SCN8A: variants seen among roughly 807,000 people sequenced by gnomAD.
SCN8A encodes the protein sodium voltage-gated channel alpha subunit 8.
A neutral mutation model predicts 184.1 loss-of-function variants in SCN8A; 30 were observed. The observed-to-expected ratio is 0.16, with a 90% CI of 0.12 to 0.22. The LOEUF is 0.22. Among genes scored for constraint, SCN8A ranks in the 10% least tolerant of loss-of-function variants. The pLI is 1.00. For missense variants in SCN8A, 1,057 were observed against 2,498.9 expected (o/e 0.42, Z 12.30); for synonymous variants, 852 against 907.0 (o/e 0.94, Z 1.09).
chr12:51,774,437 C>G, intron 20 of SCN8A, 75 bp downstream of exon 20: 1 of 1,408,120 alleles, frequency 7.1e-7, no homozygotes, highest in Non-Finnish European at 9.6e-7. Flanking sequence ...TTTCTAATGG[C>G]AGTAGCTGCC....
intron 1 of SCN8A, among the ~76,000 whole-genome samples, chr12:51,639,747 C>G (rs890460484): frequency 3.0e-4 from 46 of 151,504 alleles, no homozygotes; most frequent in Admixed American, 2.7e-3. Context: ...CCACCCTGAT[C>G]AGTCAGTCAG....
At chr12:51,795,618 T>A (rs187923667) in intron 26 of SCN8A, among the ~76,000 whole-genome samples, 1 of 152,230 alleles carries the variant, frequency 6.6e-6, no homozygotes, top group Non-Finnish European at 1.5e-5. Context: ...TGTGTTGATA[T>A]GTGGAACACT....
intron 1 of SCN8A, among the ~76,000 whole-genome samples, chr12:51,660,293 G>A (rs1940902050): frequency 6.6e-6 from 1 of 152,248 alleles, no homozygotes; most frequent in Non-Finnish European, 1.5e-5. Context: ...GGATCTGAAA[G>A]CAAAGACAGA....
At chr12:51,634,715 C>T (rs563519091) in intron 1 of SCN8A, among the ~76,000 whole-genome samples, 41 of 147,254 alleles carry the variant, frequency 2.8e-4, no homozygotes, top group African/African-American at 9.5e-4. Context: ...GTGGCGCAAT[C>T]GTAGCTCACT....
At chr12:51,717,093 C>T (rs929912953) in intron 11 of SCN8A, among the ~76,000 whole-genome samples, 4 of 152,200 alleles carry the variant, frequency 2.6e-5, no homozygotes, top group Non-Finnish European at 5.9e-5. Flanking sequence ...CTCACTCCTT[C>T]TGCTTCCTGA....
At chr12:51,661,246 A>C (rs192735377) in intron 1 of SCN8A, among the ~76,000 whole-genome samples, 11 of 152,296 alleles carry the variant, frequency 7.2e-5, no homozygotes, top group African/African-American at 2.6e-4. Context: ...TGAATTCCTT[A>C]GATAATTCCT....
chr12:51,668,699 C>T (rs935851738), intron 2 of SCN8A, among the ~76,000 whole-genome samples: 10 of 152,090 alleles, frequency 6.6e-5, no homozygotes, highest in Non-Finnish European at 1.3e-4. Flanking sequence ...TGTGCTATTC[C>T]AGGGACTTGG....
At chr12:51,730,913 A>G (rs1434845387) in intron 12 of SCN8A, among the ~76,000 whole-genome samples, 2 of 152,150 alleles carry the variant, frequency 1.3e-5, no homozygotes, top group African/African-American at 2.4e-5. Context: ...TATCCTCAGG[A>G]GTTCAATTGC....
At chr12:51,598,176 G>A (rs1939389534) in intron 1 of SCN8A, among the ~76,000 whole-genome samples, 1 of 152,124 alleles carries the variant, frequency 6.6e-6, no homozygotes, top group Non-Finnish European at 1.5e-5. Context: ...GAAAGTGTTT[G>A]GAGTGTGACG....
intron 1 of SCN8A, among the ~76,000 whole-genome samples, chr12:51,641,541 A>G (rs186429468): frequency 1.5e-3 from 229 of 152,358 alleles, no homozygotes; most frequent in Middle Eastern, 0.014. Flanking sequence ...TGATCTTGTC[A>G]TATGGTGGTC....
chr12:51,603,710 A>C (rs749190895), intron 1 of SCN8A, among the ~76,000 whole-genome samples: 1 of 152,074 alleles, frequency 6.6e-6, no homozygotes, highest in Non-Finnish European at 1.5e-5. Context: ...CCTCATTGGC[A>C]CTTGGAATTG....
At chr12:51,653,412 A>G (rs1256602174) in intron 1 of SCN8A, among the ~76,000 whole-genome samples, 2 of 152,190 alleles carry the variant, frequency 1.3e-5, no homozygotes, top group Non-Finnish European at 2.9e-5. Context: ...ACCTCATATA[A>G]GTGGAATCAT....
At chr12:51,676,931 G>C (rs1324659067) in intron 2 of SCN8A, among the ~76,000 whole-genome samples, 2 of 152,080 alleles carry the variant, frequency 1.3e-5, no homozygotes, top group East Asian at 3.9e-4. Flanking sequence ...GTGTTTCACA[G>C]CAAACCAGGG....
chr12:51,747,133 T>TGTGTGTGTGTGTGTGTGTGTG (rs1293848039), intron 13 of SCN8A, among the ~76,000 whole-genome samples: 1 of 99,964 alleles, frequency 1.0e-5, no homozygotes, highest in African/African-American at 4.2e-5. Flanking sequence ...GTGTGTGTGT[T>TGTGTGTGTGTGTGTGTGTGTG]GGGGAGGGGG....
At chr12:51,629,857 G>A (rs1940161262) in intron 1 of SCN8A, among the ~76,000 whole-genome samples, 1 of 152,106 alleles carries the variant, frequency 6.6e-6, no homozygotes, top group Non-Finnish European at 1.5e-5. Flanking sequence ...GAGAGGAGAG[G>A]TGTGAATTAG....
At chr12:51,751,078 T>G (rs1592142577) in intron 13 of SCN8A, among the ~76,000 whole-genome samples, 1 of 151,878 alleles carries the variant, frequency 6.6e-6, no homozygotes, top group Non-Finnish European at 1.5e-5. Flanking sequence ...GGCCAGGGAG[T>G]CAGACCTGAG....
intron 2 of SCN8A, among the ~76,000 whole-genome samples, chr12:51,678,944 C>T (rs889965219): frequency 6.6e-5 from 10 of 151,626 alleles, no homozygotes; most frequent in African/African-American, 1.5e-4. Flanking sequence ...GGCATGGTGG[C>T]GGGCGCCTGT....
chr12:51,786,181 C>G (rs1208019004), intron 21 of SCN8A, among the ~76,000 whole-genome samples: 2 of 152,160 alleles, frequency 1.3e-5, no homozygotes, highest in South Asian at 2.1e-4. Context: ...AACTAGCAAG[C>G]TGAAAGTTAC....
At chr12:51,689,642 C>T (rs1425098326) in intron 6 of SCN8A, 3 of 153,828 alleles carry the variant, frequency 2.0e-5, no homozygotes, top group Admixed American at 6.4e-5. Flanking sequence ...TAAATAATCA[C>T]TGTCTATCAT....
Sources: gnomAD v4.1 joint callset for allele counts (sites outside exome capture counted in the v4.1 genomes callset) on GRCh38, gnomAD v4.1.1 for gene constraint, MANE v1.5 for transcripts, NCBI Gene and HGNC (gene_info 2026-07-23, HGNC 2026-07-21) for gene names.